PARD3B: variants seen among roughly 807,000 people sequenced by gnomAD.
The protein encoded by PARD3B is partitioning defective 3 homolog B.
PARD3B carries 103 observed loss-of-function variants against 130.2 expected under a neutral mutation model. The observed-to-expected ratio is 0.79, with a 90% CI of 0.67 to 0.93. PARD3B has a LOEUF of 0.93. Ranked by LOEUF, PARD3B falls within the 40% of genes least tolerant of loss-of-function variation. The pLI is 0.00. For missense variants in PARD3B, 1,609 were observed against 1,499.2 expected (o/e 1.07, Z -1.21); for synonymous variants, 583 against 553.2 (o/e 1.05, Z -0.76).
intron 20 of PARD3B, among the ~76,000 whole-genome samples, chr2:205,468,691 CG>C (rs1361738611): frequency 1.3e-5 from 2 of 152,104 alleles, no homozygotes; most frequent in African/African-American, 4.8e-5. Flanking sequence ...TGCATTTTCA[CG>C]GTGAGCATCA....
intron 1 of PARD3B, among the ~76,000 whole-genome samples, chr2:204,607,691 A>G (rs1383491127): frequency 6.6e-6 from 1 of 152,126 alleles, no homozygotes; most frequent in African/African-American, 2.4e-5. Flanking sequence ...TATGAGGGGG[A>G]TGGCTACACT....
rs953525841 is a variant in PARD3B, at chr2:205,440,161, T to C, written c.2742-209T>C. Among the ~76,000 whole-genome samples the C allele has an allele frequency of 2.6e-5, 4 of 152,168 alleles. No individual in the cohort carries two copies. The East Asian group carries it at 7.7e-4, about 29-fold the overall frequency. ...TATCAAAATACCCATAGCATTGCTA[T>C]CAAAGTAAAGACCCTGTAACAAATA... is the stretch of plus-strand genomic sequence containing the variant. On this transcript the variant is annotated intron_variant, in intron 19 of 22. Coordinates refer to ENST00000406610, the MANE Select transcript of PARD3B (RefSeq NM_001302769.2). The surrounding 1 kb of genome is among the most constrained non-coding windows in gnomAD (Gnocchi z 4.2).
intron 21 of PARD3B, among the ~76,000 whole-genome samples, chr2:205,544,447 GCACATACACA>G (rs1207148313): frequency 1.5e-4 from 23 of 152,178 alleles, no homozygotes; most frequent in East Asian, 3.9e-4. Context: ...ACGCACACGT[GCACATACACA>G]CACATACACA....
rs1407623710 is a variant in PARD3B, at chr2:204,998,356, ATATG to A, written c.394+33035_394+33038del. On this transcript the variant is annotated intron_variant, in intron 3 of 22. Transcript: ENST00000406610. ...TATATATATATATATATATATATAT[ATATG>A]TGTGTGTGTGTGTGTATATATGTGT... 1.4e-3 allele frequency among the ~76,000 whole-genome samples: 94 copies of A among 65,044 alleles called. 2 individuals carry two copies. The highest frequency in any genetic ancestry group is 6.7e-3 in the Middle Eastern group (1 of 150). The allele number at this position is 65,044 out of a possible 152,430, so 42.7% of individuals were successfully genotyped here.
chr2:205,615,935 C>T lies in PARD3B; in HGVS notation c.*122C>T, dbSNP rs1575495430. 2.3e-6 allele frequency: 2 copies of T among 866,086 alleles called. No individual in the cohort carries two copies. Among genetic ancestry groups the T allele is most frequent in the Non-Finnish European group, 3.6e-6 (2 of 551,030 alleles). 53.7% of individuals were successfully genotyped at this position (866,086 alleles called of 1,614,324 possible). A position where few individuals can be genotyped will look rare whatever the true frequency, so the allele number is the denominator to read the frequency against. On this transcript the variant is annotated 3_prime_UTR_variant, in exon 23 of 23. Transcript: ENST00000406610. ...TCCATGTTACTGATAAGCTTTTTCT[C>T]ACTGACATTGTAACGCATGACTGCT... is the stretch of plus-strand genomic sequence containing the variant.
intron 2 of PARD3B, among the ~76,000 whole-genome samples, chr2:204,789,333 G>A (rs963616525): frequency 6.6e-6 from 1 of 152,160 alleles, no homozygotes; most frequent in African/African-American, 2.4e-5. Context: ...TAACAGGCAT[G>A]AGCCACCACA....
chr2:204,596,975 A>T (rs1011253383), intron 1 of PARD3B, among the ~76,000 whole-genome samples: 4 of 151,192 alleles, frequency 2.6e-5, no homozygotes, highest in East Asian at 1.9e-4. Flanking sequence ...TATATATATT[A>T]TATATAATTT....
intron 2 of PARD3B, among the ~76,000 whole-genome samples, chr2:204,763,819 G>A (rs575218540): frequency 2.6e-5 from 4 of 152,234 alleles, no homozygotes; most frequent in African/African-American, 9.6e-5. Context: ...TTCAATACAT[G>A]TGTATTTTTA....
chr2:205,264,668 A>T (rs1309455483), intron 16 of PARD3B, among the ~76,000 whole-genome samples: 1 of 151,074 alleles, frequency 6.6e-6, no homozygotes, highest in Non-Finnish European at 1.5e-5. Flanking sequence ...TCTTTAAATC[A>T]TATTAGTTGT....
At chr2:204,853,187 C>T (rs1035897440) in intron 2 of PARD3B, among the ~76,000 whole-genome samples, 5 of 151,502 alleles carry the variant, frequency 3.3e-5, no homozygotes, top group East Asian at 1.9e-4. Context: ...ATTCTAGCTC[C>T]GATTTGATAA....
At chr2:205,299,577 A>AAT (rs1553664182) in intron 16 of PARD3B, among the ~76,000 whole-genome samples, 14 of 3,410 alleles carry the variant, frequency 4.1e-3, no homozygotes, top group African/African-American at 0.012. Flanking sequence ...ATATATATAT[A>AAT]ATATATATAT....
At chr2:205,222,660 C>T (rs755067251) in intron 15 of PARD3B, among the ~76,000 whole-genome samples, 1 of 152,272 alleles carries the variant, frequency 6.6e-6, no homozygotes, top group African/African-American at 2.4e-5. Context: ...CTTAAGGTAG[C>T]CTGTGCCCCT....
chr2:204,998,709 A>G (rs1281664844), intron 3 of PARD3B, among the ~76,000 whole-genome samples: 1 of 151,840 alleles, frequency 6.6e-6, no homozygotes, highest in Admixed American at 6.6e-5. Context: ...TCATCTATTA[A>G]TATGATATAT....
At chr2:205,447,836 A>G (rs943539822) in intron 20 of PARD3B, among the ~76,000 whole-genome samples, 2 of 152,162 alleles carry the variant, frequency 1.3e-5, no homozygotes, top group African/African-American at 4.8e-5. Context: ...TTTCTTTTAG[A>G]TCACTCTAGT....
intron 2 of PARD3B, among the ~76,000 whole-genome samples, chr2:204,874,090 C>A (rs975863535): frequency 6.6e-6 from 1 of 152,260 alleles, no homozygotes; most frequent in East Asian, 1.9e-4. Context: ...TTGCAGTGAG[C>A]CCAGATTGCA....
At chr2:205,286,044 G>A (rs2041383343) in intron 16 of PARD3B, among the ~76,000 whole-genome samples, 1 of 152,118 alleles carries the variant, frequency 6.6e-6, no homozygotes, top group African/African-American at 2.4e-5. Context: ...ATTTAATGAT[G>A]CATCACAAGC....
intron 21 of PARD3B, among the ~76,000 whole-genome samples, chr2:205,513,345 T>C (rs1379963678): frequency 6.6e-6 from 1 of 152,082 alleles, no homozygotes; most frequent in African/African-American, 2.4e-5. Flanking sequence ...TGTATGGATA[T>C]ATATATATAA....
intron 10 of PARD3B, among the ~76,000 whole-genome samples, chr2:205,141,591 T>G (rs906864999): frequency 1.3e-5 from 2 of 152,192 alleles, no homozygotes; most frequent in Admixed American, 1.3e-4. Context: ...AAATGTAAGA[T>G]CTTAGAAACA....
In PARD3B at chr2:205,463,458, AAC is replaced by A. The variant is rs1389241607; in HGVS notation, c.3044+22787_3044+22788del. ...TTCTTTAAAAAAAAAAAAAAAAAAAAACCTGTCATTTAATTTTAAATGCTAAT... is the reference window on the plus strand; with the variant it reads ...TTCTTTAAAAAAAAAAAAAAAAAAAACTGTCATTTAATTTTAAATGCTAAT... On this transcript the variant is annotated intron_variant, in intron 20 of 22. Transcript: ENST00000406610. The surrounding 1 kb of genome is among the most constrained non-coding windows in gnomAD (Gnocchi z 4.8). 6.7e-6 allele frequency among the ~76,000 whole-genome samples: 1 copy of A among 149,394 alleles called. No individual in the cohort carries two copies. The highest frequency in any genetic ancestry group is 1.5e-5 in the Non-Finnish European group (1 of 67,666).
Sources: gnomAD v4.1 joint callset for allele counts (sites outside exome capture counted in the v4.1 genomes callset) on GRCh38, gnomAD v4.1.1 for gene constraint, Gnocchi (gnomAD v3.1) non-coding constraint, MANE v1.5 for transcripts, NCBI Gene and HGNC (gene_info 2026-07-23, HGNC 2026-07-21) for gene names.